The following PCDHA11 variants were observed in gnomAD, a reference collection of about 807,000 sequenced individuals.
PCDHA11 encodes the protein protocadherin alpha-11.
A neutral mutation model predicts 70.3 loss-of-function variants in PCDHA11; 61 were observed. The observed-to-expected ratio is 0.87, with a 90% confidence interval of 0.71 to 1.07. The LOEUF is 1.07. Ranked by LOEUF, PCDHA11 falls within the 50% of genes least tolerant of loss-of-function variation. The pLI, the probability that PCDHA11 is intolerant of heterozygous loss-of-function variation, is 0.00. For synonymous variants in PCDHA11, 633 were observed against 555.1 expected (o/e 1.14, Z -1.97); for missense variants, 1,324 against 1,237.5 (o/e 1.07, Z -1.05).
intron 1 of PCDHA11, among the ~76,000 whole-genome samples, chr5:140,902,264 C>G (rs1187258512): frequency 6.8e-6 from 1 of 147,240 alleles, no homozygotes; most frequent in Admixed American, 6.9e-5. Context: ...TCTCGAACTC[C>G]TGGGCTCAAG....
At chr5:140,978,615 T>C in intron 1 of PCDHA11, among the ~76,000 whole-genome samples, 1 of 152,238 alleles carries the variant, frequency 6.6e-6, no homozygotes, top group East Asian at 1.9e-4. Context: ...GCAAAAGCAG[T>C]GAAAGCTTTT....
chr5:140,921,693 C>A (rs115825687), intron 1 of PCDHA11, among the ~76,000 whole-genome samples: 103 of 152,244 alleles, frequency 6.8e-4, no homozygotes, highest in African/African-American at 2.4e-3. Flanking sequence ...CTGGCCACCT[C>A]AATTTTAAAC....
intron 1 of PCDHA11, among the ~76,000 whole-genome samples, chr5:140,944,057 G>A (rs1394005045): frequency 1.3e-5 from 2 of 152,130 alleles, no homozygotes; most frequent in African/African-American, 4.8e-5. Context: ...GATACAAAAA[G>A]GTTTCTTGTT....
At chr5:140,937,085 T>G (rs1386368270) in intron 1 of PCDHA11, among the ~76,000 whole-genome samples, 2 of 150,536 alleles carry the variant, frequency 1.3e-5, no homozygotes, top group African/African-American at 4.9e-5. Context: ...TCGCCCAGGC[T>G]GGAGTGCAGT....
At chr5:140,990,029 A>G (rs1343846819) in intron 3 of PCDHA11, among the ~76,000 whole-genome samples, 1 of 152,146 alleles carries the variant, frequency 6.6e-6, no homozygotes, top group African/African-American at 2.4e-5. Context: ...AAAGGATGGG[A>G]GAAGTCAGTC....
chr5:140,888,724 C>G (rs1437926423), intron 1 of PCDHA11, among the ~76,000 whole-genome samples: 6 of 151,938 alleles, frequency 3.9e-5, no homozygotes, highest in African/African-American at 1.5e-4. Flanking sequence ...ATTTCCAGCC[C>G]TTTGTGAGCT....
intron 1 of PCDHA11, chr5:140,882,409 C>A: frequency 6.2e-7 from 1 of 1,614,158 alleles, no homozygotes; most frequent in Non-Finnish European, 8.5e-7. Flanking sequence ...TCGTGGGCCG[C>A]ATCGCTCAGG....
chr5:140,986,897 T>A (rs534075146), intron 3 of PCDHA11, among the ~76,000 whole-genome samples: 13 of 152,086 alleles, frequency 8.5e-5, no homozygotes, highest in Non-Finnish European at 1.9e-4. Flanking sequence ...TTAGGCCCTA[T>A]CCTAGACTAA....
intron 1 of PCDHA11, chr5:140,966,480 TC>T: frequency 2.3e-6 from 1 of 431,902 alleles, no homozygotes; most frequent in Admixed American, 4.4e-5. Flanking sequence ...TGTTTCCTTT[TC>T]CCTCCCCCTG....
intron 1 of PCDHA11, among the ~76,000 whole-genome samples, chr5:140,937,108 G>A (rs1014984809): frequency 7.3e-5 from 11 of 151,276 alleles, no homozygotes; most frequent in Non-Finnish European, 1.5e-4. Context: ...CGCAGTCTCG[G>A]CTCACTGCAA....
intron 1 of PCDHA11, among the ~76,000 whole-genome samples, chr5:140,920,418 G>C (rs1355987486): frequency 6.6e-6 from 1 of 151,868 alleles, no homozygotes; most frequent in Non-Finnish European, 1.5e-5. Flanking sequence ...AGATACAGCT[G>C]TTCTCCCACA....
rs2051279273 is a variant in PCDHA11, at chr5:140,869,602, C to T, written c.499C>T (p.Leu167=). The change falls in exon 1 of 4, where the codon CTA becomes TTA. Residue 167 remains leucine (L), a synonymous_variant. Coordinates refer to ENST00000398640, the MANE Select transcript of PCDHA11 (RefSeq NM_018902.5). ...TGATGCTGACATTGAAGAGAATGCT[C>T]TATTGACCTACAGGCTAAGTAAAAA... ...ASDADIEENA[L]LTYRLSKNEY... 2 of 1,613,922 alleles carry T rather than the reference C, an allele frequency of 1.2e-6. No homozygotes were observed. Among genetic ancestry groups the T allele is most frequent in the Non-Finnish European group, 8.5e-7 (1 of 1,179,998 alleles).
In PCDHA11 at chr5:140,871,209, C is replaced by T. The variant is rs955703694; in HGVS notation, c.2106C>T (p.Ala702=). The stretch of plus-strand genomic sequence containing the variant: ...ATGTCAACGTGTACCTGATCATCGC[C>T]ATCTGCGTGGTGTCCAGCCTCCTGG... ...LVDVNVYLII[A]ICVVSSLLVL... is the part of the protein sequence containing the mutation. The change falls in exon 1 of 4, where the codon GCC becomes GCT. Residue 702 remains alanine, a synonymous_variant. Coordinates refer to ENST00000398640, the MANE Select transcript of PCDHA11 (RefSeq NM_018902.5). The T allele has an allele frequency of 1.2e-5, 19 of 1,613,704 alleles. No individual in the cohort carries two copies. Among genetic ancestry groups the T allele is most frequent in the East Asian group, 4.5e-5 (2 of 44,890 alleles).
In PCDHA11 at chr5:140,871,231, C is replaced by A. The variant is rs371096811; in HGVS notation, c.2128C>A (p.Leu710Met). The A allele has an allele frequency of 1.9e-6, 3 of 1,613,814 alleles. No individual in the cohort carries two copies. The African/African-American group carries it at 4.0e-5, about 22-fold the overall frequency. Residue 710 changes from leucine (L) to methionine (M), a missense_variant, in exon 1 of 4, where the codon CTG (leucine) becomes ATG (methionine). Coordinates refer to ENST00000398640, the MANE Select transcript of PCDHA11 (RefSeq NM_018902.5). ...CGCCATCTGCGTGGTGTCCAGCCTC[C>A]TGGTACTCACGCTGCTGCTGTATAC... ...IIAICVVSSL[L>M]VLTLLLYTAL...
At chr5:140,952,352 A>G (rs2094730295) in intron 1 of PCDHA11, among the ~76,000 whole-genome samples, 1 of 103,372 alleles carries the variant, frequency 9.7e-6, no homozygotes, top group Non-Finnish European at 2.0e-5. Flanking sequence ...AAAAAAAAAA[A>G]AAGAAAGAAA....
At position 140,871,317 on chromosome 5, in the gene PCDHA11, G is replaced by A; in HGVS notation, c.2214G>A (p.Leu738=). The change falls in exon 1 of 4, where the codon CTG becomes CTA. Residue 738 remains leucine (L), a synonymous_variant. Coordinates refer to ENST00000398640, the MANE Select transcript of PCDHA11 (RefSeq NM_018902.5). The part of the protein sequence containing the change: ...EGACAPGKPT[L]VCSRAVGSWS... ...CGTGCGCGCCGGGGAAGCCCACGCT[G>A]GTGTGCTCCCGCGCGGTGGGGAGCT... 6.2e-7 allele frequency: 1 copy of A among 1,614,080 alleles called. No homozygotes were observed. Among genetic ancestry groups the A allele is most frequent in the Non-Finnish European group, 8.5e-7 (1 of 1,180,026 alleles).
intron 1 of PCDHA11, among the ~76,000 whole-genome samples, chr5:140,916,719 A>G (rs921368119): frequency 2.0e-5 from 3 of 152,128 alleles, no homozygotes; most frequent in Non-Finnish European, 2.9e-5. Context: ...GGAAGGAGTG[A>G]CTTTTGTTGC....
In PCDHA11 at chr5:140,869,260, G is replaced by A. The variant is rs976245495; in HGVS notation, c.157G>A (p.Gly53Arg). Residue 53 changes from glycine to arginine, a missense_variant, in exon 1 of 4, where the codon GGG becomes AGG. Transcript: ENST00000398640. ...CGTGGGCCGCATCGCGCAGGACCTG[G>A]GGCTGGAGCTGGCGGAGCTGGTGCA... ...TFVGRIAQDLGLELAELVQRL... is the reference protein window; with the variant it reads ...TFVGRIAQDLRLELAELVQRL... 1 of 1,613,638 alleles carries A rather than the reference G, an allele frequency of 6.2e-7. No individual in the cohort carries two copies. Among genetic ancestry groups the A allele is most frequent in the Non-Finnish European group, 8.5e-7 (1 of 1,179,958 alleles).
chr5:140,924,872 G>A (rs1161649938), intron 1 of PCDHA11, among the ~76,000 whole-genome samples: 2 of 149,350 alleles, frequency 1.3e-5, no homozygotes, highest in South Asian at 2.1e-4. Context: ...TCCAGCCTGG[G>A]TGACAGAGCA....
Sources: allele counts gnomAD v4.1 joint callset (sites outside exome capture counted in the v4.1 genomes callset), GRCh38; gene constraint gnomAD v4.1.1; transcripts MANE v1.5; gene names NCBI Gene and HGNC (gene_info 2026-07-23, HGNC 2026-07-21).